CAMKMT: variants seen among roughly 807,000 people sequenced by gnomAD.
The protein encoded by CAMKMT is calmodulin-lysine N-methyltransferase.
In CAMKMT, 53 loss-of-function variants were observed where a neutral mutation model predicts 48.0. The observed-to-expected ratio is 1.10, with a 90% confidence interval of 0.89 to 1.39. The LOEUF is 1.39. Ranked by LOEUF, CAMKMT falls within the 40% of genes most tolerant of loss-of-function variation. The pLI is 0.00. For synonymous variants in CAMKMT, 165 were observed against 152.3 expected, an observed-to-expected ratio of 1.08 and a Z score of -0.61; for missense variants, 428 against 402.7, an observed-to-expected ratio of 1.06 and a Z score of -0.54.
chr2:44,720,539 CTTTT>C (rs1041088833), intron 7 of CAMKMT, among the ~76,000 whole-genome samples: 1 of 152,070 alleles, frequency 6.6e-6, no homozygotes, highest in African/African-American at 2.4e-5. Flanking sequence ...TCTTAAAAAA[CTTTT>C]TTAGAGAATG....
At chr2:44,612,763 A>G (rs1443778844) in intron 3 of CAMKMT, among the ~76,000 whole-genome samples, 1 of 152,220 alleles carries the variant, frequency 6.6e-6, no homozygotes, top group East Asian at 1.9e-4. Flanking sequence ...AAATTATAAC[A>G]GGGACTCAAA....
At chr2:44,534,232 C>T (rs1558683952) in intron 3 of CAMKMT, among the ~76,000 whole-genome samples, 1 of 152,218 alleles carries the variant, frequency 6.6e-6, no homozygotes, top group Non-Finnish European at 1.5e-5. Flanking sequence ...GCAGATATTA[C>T]TAGACCTAAA....
intron 6 of CAMKMT, among the ~76,000 whole-genome samples, chr2:44,710,759 T>G (rs1178888834): frequency 6.6e-6 from 1 of 152,202 alleles, no homozygotes; most frequent in African/African-American, 2.4e-5. Flanking sequence ...GAGTTATTAT[T>G]GATGCTAAGC....
chr2:44,706,671 C>T (rs1018629736), intron 5 of CAMKMT, among the ~76,000 whole-genome samples: 3 of 150,338 alleles, frequency 2.0e-5, no homozygotes, highest in Non-Finnish European at 2.9e-5. Flanking sequence ...AATAGCCCGG[C>T]GAATCACAGT....
At chr2:44,402,336 A>AAGACTCTGTCT (rs1682456881) in intron 3 of CAMKMT, among the ~76,000 whole-genome samples, 1 of 151,792 alleles carries the variant, frequency 6.6e-6, no homozygotes, top group African/African-American at 2.4e-5. Context: ...CTAAAAAAAA[A>AAGACTCTGTCT]AAAAAAAAAA....
chr2:44,668,485 G>A (rs954376953), intron 3 of CAMKMT, among the ~76,000 whole-genome samples: 11 of 152,126 alleles, frequency 7.2e-5, no homozygotes, highest in Non-Finnish European at 1.6e-4. Flanking sequence ...CTTCAGAAAA[G>A]GAAAGACAAG....
At chr2:44,406,921 A>C (rs1207217723) in intron 3 of CAMKMT, among the ~76,000 whole-genome samples, 1 of 152,150 alleles carries the variant, frequency 6.6e-6, no homozygotes, top group Admixed American at 6.5e-5. Context: ...TTATTTTTTT[A>C]TATCTATGCT....
intron 3 of CAMKMT, among the ~76,000 whole-genome samples, chr2:44,636,391 G>A: frequency 6.6e-6 from 1 of 152,216 alleles, no homozygotes; most frequent in East Asian, 1.9e-4. Context: ...GAGAATGCAT[G>A]TAAAGAACCA....
At chr2:44,744,624 T>C (rs1399382065) in intron 8 of CAMKMT, among the ~76,000 whole-genome samples, 1 of 152,170 alleles carries the variant, frequency 6.6e-6, no homozygotes, top group Non-Finnish European at 1.5e-5. Context: ...AGTTCTGTTA[T>C]ATTGATAAGG....
At chr2:44,408,308 G>T (rs1262326685) in intron 3 of CAMKMT, among the ~76,000 whole-genome samples, 3 of 151,986 alleles carry the variant, frequency 2.0e-5, no homozygotes, top group African/African-American at 7.2e-5. Flanking sequence ...ACAGGCGTGA[G>T]CCACCGCGCC....
At chr2:44,633,116 CT>C (rs1475273314) in intron 3 of CAMKMT, among the ~76,000 whole-genome samples, 2 of 152,074 alleles carry the variant, frequency 1.3e-5, no homozygotes, top group Non-Finnish European at 2.9e-5. Context: ...CCATTGTCCC[CT>C]GGCTTCTATT....
intron 3 of CAMKMT, among the ~76,000 whole-genome samples, chr2:44,431,370 A>T (rs1253539693): frequency 6.6e-6 from 1 of 152,194 alleles, no homozygotes; most frequent in Admixed American, 6.5e-5. Context: ...ACCAAATTGT[A>T]TAAATGACTT....
intron 3 of CAMKMT, among the ~76,000 whole-genome samples, chr2:44,506,557 G>A (rs1208321744): frequency 6.6e-6 from 1 of 152,104 alleles, no homozygotes; most frequent in Non-Finnish European, 1.5e-5. Flanking sequence ...TAGATATTAT[G>A]TTAAAATCCT....
chr2:44,385,802 C>T (rs1264114169), intron 2 of CAMKMT, among the ~76,000 whole-genome samples: 3 of 152,120 alleles, frequency 2.0e-5, no homozygotes, highest in Non-Finnish European at 1.5e-5. Context: ...GTTAAGGCAT[C>T]CCTGCATCCC....
At chr2:44,550,546 A>T (rs1317643665) in intron 3 of CAMKMT, 1 of 152,232 alleles carries the variant, frequency 6.6e-6, no homozygotes, top group Non-Finnish European at 1.5e-5. Flanking sequence ...AATGTCTACT[A>T]TAAAGTTATC....
intron 2 of CAMKMT, among the ~76,000 whole-genome samples, chr2:44,386,049 G>T (rs1441175785): frequency 6.6e-6 from 1 of 152,056 alleles, no homozygotes; most frequent in Non-Finnish European, 1.5e-5. Context: ...AAAAGGATTG[G>T]TACCAATTCT....
intron 3 of CAMKMT, among the ~76,000 whole-genome samples, chr2:44,621,728 A>G (rs1159589164): frequency 6.6e-6 from 1 of 152,226 alleles, no homozygotes; most frequent in South Asian, 2.1e-4. Context: ...TGTGTGGATT[A>G]TATTCTTAGT....
chr2:44,546,257 T>G (rs1432762299), intron 3 of CAMKMT, among the ~76,000 whole-genome samples: 1 of 150,360 alleles, frequency 6.7e-6, no homozygotes, highest in Admixed American at 6.6e-5. Context: ...GTTCTGACAT[T>G]TAGCCCTAAA....
At chr2:44,754,970 T>C (rs1350845633) in intron 9 of CAMKMT, among the ~76,000 whole-genome samples, 1 of 152,016 alleles carries the variant, frequency 6.6e-6, no homozygotes. Flanking sequence ...AACACTGAAG[T>C]GTGTGTGTGT....
Sources: gnomAD v4.1 joint callset for allele counts (sites outside exome capture counted in the v4.1 genomes callset) on GRCh38, gnomAD v4.1.1 for gene constraint, MANE v1.5 for transcripts, NCBI Gene and HGNC (gene_info 2026-07-23, HGNC 2026-07-21) for gene names.